FGF13: variants seen among roughly 807,000 people sequenced by gnomAD.
FGF13 encodes the protein fibroblast growth factor homologous factor 2.
In FGF13, 2 loss-of-function variants were observed where a neutral mutation model predicts 19.5. The ratio of observed to expected loss-of-function variants is 0.10; its 90% CI spans 0.04 to 0.32. The LOEUF (loss-of-function observed/expected upper bound fraction) is 0.32. Ranked by LOEUF, FGF13 falls within the 10% of genes least tolerant of loss-of-function variation. FGF13 has a pLI of 1.00. For missense variants in FGF13, 113 were observed against 192.7 expected (o/e 0.59, Z 2.45); for synonymous variants, 72 against 76.9 (o/e 0.94, Z 0.33).
chrX:138,842,925 T>C (rs1372470319), intron 3 of FGF13, among the ~76,000 whole-genome samples: 1 of 112,038 alleles, frequency 8.9e-6, no homozygotes, highest in African/African-American at 3.2e-5. Context: ...AAAGAATCAC[T>C]AACAGATTTG....
At chrX:138,663,830 G>A (rs1348353257) in intron 3 of FGF13, among the ~76,000 whole-genome samples, 1 of 111,561 alleles carries the variant, frequency 9.0e-6, no homozygotes, top group Non-Finnish European at 1.9e-5. Flanking sequence ...TGATAAGAGA[G>A]AGAGGAGGGG....
intron 1 of FGF13, among the ~76,000 whole-genome samples, chrX:138,880,574 C>T (rs1602993206): frequency 9.0e-6 from 1 of 111,691 alleles, no homozygotes; most frequent in Non-Finnish European, 1.9e-5. Flanking sequence ...AGCAAACTAA[C>T]ACAAGAACAG....
At chrX:139,153,453 C>T (rs780731354) in intron 1 of FGF13, among the ~76,000 whole-genome samples, 27 of 111,243 alleles carry the variant, frequency 2.4e-4, no homozygotes, top group African/African-American at 3.9e-4. Context: ...AGCCCCCTCT[C>T]CCCTAGACCT....
intron 3 of FGF13, among the ~76,000 whole-genome samples, chrX:138,815,237 A>G (rs142677842): frequency 0.018 from 2,037 of 110,616 alleles, 18 homozygotes; most frequent in East Asian, 0.042. Flanking sequence ...TAGATAGGAG[A>G]AATAAGTTCA....
At chrX:138,865,882 G>A (rs1252275681) in intron 1 of FGF13, among the ~76,000 whole-genome samples, 1 of 111,637 alleles carries the variant, frequency 9.0e-6, no homozygotes, top group Non-Finnish European at 1.9e-5. Context: ...GGTCTATGAT[G>A]TTGTATCTTT....
At chrX:138,784,751 A>C (rs1204571718) in intron 3 of FGF13, among the ~76,000 whole-genome samples, 2 of 111,632 alleles carry the variant, frequency 1.8e-5, no homozygotes, top group African/African-American at 6.5e-5. Context: ...AAGTCTCTCT[A>C]TCCAGACCTT....
intron 3 of FGF13, among the ~76,000 whole-genome samples, chrX:138,780,710 G>A (rs780730195): frequency 0.013 from 1,450 of 107,409 alleles, 22 homozygotes; most frequent in African/African-American, 0.046. Context: ...CCACACATTA[G>A]TAATGGGAGA....
At chrX:139,097,093 A>C in intron 1 of FGF13, among the ~76,000 whole-genome samples, 1 of 112,286 alleles carries the variant, frequency 8.9e-6, no homozygotes, top group Non-Finnish European at 1.9e-5. Flanking sequence ...ATATTAAGAA[A>C]TGAAATCCAG....
chrX:138,949,045 T>A (rs2091796702), intron 1 of FGF13, among the ~76,000 whole-genome samples: 1 of 111,721 alleles, frequency 9.0e-6, no homozygotes, highest in South Asian at 3.7e-4. Context: ...GGGCCAGGAT[T>A]ACAGCCAAAA....
chrX:138,979,210 G>C (rs2091953449), intron 1 of FGF13, among the ~76,000 whole-genome samples: 1 of 111,770 alleles, frequency 8.9e-6, no homozygotes, highest in Admixed American at 9.5e-5. Flanking sequence ...ACAATCGTTT[G>C]AATATAGGAC....
chrX:138,998,718 T>C (rs1216187138), intron 1 of FGF13, among the ~76,000 whole-genome samples: 1 of 111,091 alleles, frequency 9.0e-6, no homozygotes, highest in Non-Finnish European at 1.9e-5. Context: ...AGACTTAGAC[T>C]CCCACACAAT....
chrX:138,895,315 T>G (rs2091498773), intron 1 of FGF13, among the ~76,000 whole-genome samples: 1 of 111,996 alleles, frequency 8.9e-6, no homozygotes, highest in Admixed American at 9.5e-5. Context: ...GAGGACACTT[T>G]TATCTGATGG....
rs144314258 is a variant in FGF13 at position 139,022,243 on chromosome X, G to A, written c.-112-157593C>T. 7.7e-3 allele frequency among the ~76,000 whole-genome samples: 853 copies of A among 111,431 alleles called. 7 individuals carry two copies. Among genetic ancestry groups the A allele is most frequent in the African/African-American group, 0.026 (812 of 30,729 alleles). Reference sequence around the variant, plus strand: ...AGAGGAAGAAAAAAGGGATGTATATGGAAAGAAGCACAGAAAAGACTTAAG... The same window carrying A: ...AGAGGAAGAAAAAAGGGATGTATATAGAAAGAAGCACAGAAAAGACTTAAG... On this transcript the variant is annotated intron_variant, in intron 1 of 2. Coordinates refer to the FGF13 transcript ENST00000421460.
At chrX:138,931,043 C>T (rs889200146) in intron 1 of FGF13, among the ~76,000 whole-genome samples, 1 of 112,602 alleles carries the variant, frequency 8.9e-6, no homozygotes, top group African/African-American at 3.2e-5. Context: ...AATTATAATA[C>T]ATTAAAAAGG....
chrX:139,068,815 G>C (rs2092366178), intron 1 of FGF13, among the ~76,000 whole-genome samples: 1 of 111,419 alleles, frequency 9.0e-6, no homozygotes, highest in Non-Finnish European at 1.9e-5. Context: ...AAGAATGCTT[G>C]TGATTTTTGT....
chrX:138,770,105 T>C (rs2090533809), intron 3 of FGF13, among the ~76,000 whole-genome samples: 1 of 112,281 alleles, frequency 8.9e-6, no homozygotes, highest in Admixed American at 9.5e-5. Flanking sequence ...CACATTGTTC[T>C]ATCAAAGGCT....
intron 1 of FGF13, among the ~76,000 whole-genome samples, chrX:139,031,615 A>C: frequency 9.1e-6 from 1 of 110,472 alleles, no homozygotes; most frequent in Non-Finnish European, 1.9e-5. Context: ...ATAGAATCTA[A>C]AATATGTTCT....
intron 3 of FGF13, among the ~76,000 whole-genome samples, chrX:138,827,680 A>G (rs1011006897): frequency 2.2e-4 from 25 of 112,060 alleles, no homozygotes; most frequent in African/African-American, 7.5e-4. Context: ...GGCTAAAAAC[A>G]GATGAGGACT....
chrX:138,779,906 A>G (rs576709442), intron 3 of FGF13, among the ~76,000 whole-genome samples: 5 of 106,227 alleles, frequency 4.7e-5, no homozygotes, highest in African/African-American at 1.0e-4. Context: ...GTTAAGGGCA[A>G]CCAGAGAGAA....
Sources: gnomAD v4.1 joint callset for allele counts (sites outside exome capture counted in the v4.1 genomes callset) on GRCh38, gnomAD v4.1.1 for gene constraint, MANE v1.5 for transcripts, NCBI Gene and HGNC (gene_info 2026-07-23, HGNC 2026-07-21) for gene names.